PTPRR: variants seen among roughly 807,000 people sequenced by gnomAD.
PTPRR encodes receptor-type tyrosine-protein phosphatase R.
In PTPRR, 38 loss-of-function variants were observed where a neutral mutation model predicts 77.2. The ratio of observed to expected loss-of-function variants is 0.49; its 90% CI spans 0.38 to 0.65. The LOEUF (loss-of-function observed/expected upper bound fraction) is 0.65, where lower values mean the gene tolerates loss of function less well. Among genes scored for constraint, PTPRR ranks in the 30% least tolerant of loss-of-function variants. PTPRR has a pLI of 0.00. For synonymous variants in PTPRR, 299 were observed against 283.1 expected (o/e 1.06, Z -0.57); for missense variants, 744 against 799.2 (o/e 0.93, Z 0.83).
At chr12:70,858,840 C>A (rs563763820) in intron 2 of PTPRR, among the ~76,000 whole-genome samples, 1 of 151,968 alleles carries the variant, frequency 6.6e-6, no homozygotes, top group Non-Finnish European at 1.5e-5. Flanking sequence ...TAGCTGGCAA[C>A]TGCTTATATA....
chr12:70,919,858 C>G (rs369954603), intron 1 of PTPRR, among the ~76,000 whole-genome samples: 2 of 151,942 alleles, frequency 1.3e-5, no homozygotes, highest in African/African-American at 4.8e-5. Flanking sequence ...CCATGTATTT[C>G]GATCTTTTGG....
At chr12:70,672,264 T>C (rs955434293) in intron 10 of PTPRR, 5 of 1,593,426 alleles carry the variant, frequency 3.1e-6, no homozygotes, top group Non-Finnish European at 3.4e-6. Flanking sequence ...ATGAATTATG[T>C]GGACCACTGC....
chr12:70,672,855 G>A (rs1189533444), intron 10 of PTPRR: 1 of 1,559,320 alleles, frequency 6.4e-7, no homozygotes, highest in South Asian at 1.1e-5. Context: ...TCAGCAAGGT[G>A]GTGTGATGGC....
At chr12:70,902,935 T>C (rs929377515) in intron 1 of PTPRR, among the ~76,000 whole-genome samples, 5 of 151,722 alleles carry the variant, frequency 3.3e-5, no homozygotes, top group African/African-American at 4.8e-5. Context: ...TATTCAGTCT[T>C]ATAAAAGGAA....
chr12:70,690,855 C>T (rs1038332292), intron 8 of PTPRR, among the ~76,000 whole-genome samples: 1 of 152,154 alleles, frequency 6.6e-6, no homozygotes, highest in African/African-American at 2.4e-5. Context: ...CATTTGCATA[C>T]ATTAATATTA....
intron 1 of PTPRR, among the ~76,000 whole-genome samples, chr12:70,919,673 GTTTTTTTTTTTT>G (rs58439089): frequency 0.24 from 26,342 of 110,184 alleles, 3,146 homozygotes; most frequent in African/African-American, 0.35. Flanking sequence ...AACTGTAATT[GTTTTTTTTTTTT>G]TTTTTTTTTT....
rs183975452 is a variant in PTPRR, at chr12:70,745,285, C to A, written c.1007+533G>T. 3.7e-3 allele frequency among the ~76,000 whole-genome samples: 564 copies of A among 152,302 alleles called. 4 individuals carry two copies. The highest frequency in any genetic ancestry group is 4.4e-3 in the Non-Finnish European group (302 of 68,032). On this transcript the variant is annotated intron_variant, in intron 6 of 13. Coordinates refer to ENST00000283228, the MANE Select transcript of PTPRR (RefSeq NM_002849.4). ...TCAAGTGATCCACCCACCTCAGCCT[C>A]CCAAAGTACTTGGATTATAGGCGTG... is the stretch of plus-strand genomic sequence containing the variant.
chr12:70,872,694 C>CAAAA (rs377557224), intron 2 of PTPRR, among the ~76,000 whole-genome samples: 1 of 43,436 alleles, frequency 2.3e-5, no homozygotes, highest in Non-Finnish European at 3.7e-5. Context: ...GACTCTGTCT[C>CAAAA]AAAAAAAAAA....
At chr12:70,756,074 A>C (rs1890555909) in intron 4 of PTPRR, among the ~76,000 whole-genome samples, 1 of 152,138 alleles carries the variant, frequency 6.6e-6, no homozygotes, top group South Asian at 2.1e-4. Flanking sequence ...AAATTTGGAT[A>C]AAAAGGGGTG....
chr12:70,804,546 CAG>C (rs1258186356), intron 2 of PTPRR, among the ~76,000 whole-genome samples: 3 of 148,690 alleles, frequency 2.0e-5, no homozygotes, highest in Non-Finnish European at 4.5e-5. Flanking sequence ...GCCTGGGTGA[CAG>C]AAAAAAAAAA....
chr12:70,755,940 GA>G (rs1231999363), intron 4 of PTPRR, among the ~76,000 whole-genome samples: 1 of 152,008 alleles, frequency 6.6e-6, no homozygotes, highest in Middle Eastern at 3.2e-3. Context: ...ATATGGAAAT[GA>G]ATTTTTTACA....
At chr12:70,907,383 C>T (rs533845653) in intron 1 of PTPRR, among the ~76,000 whole-genome samples, 2 of 152,274 alleles carry the variant, frequency 1.3e-5, no homozygotes, top group African/African-American at 4.8e-5. Context: ...GCTCCTCCTT[C>T]CACTGTCAGC....
intron 10 of PTPRR, among the ~76,000 whole-genome samples, chr12:70,680,292 T>G (rs575803075): frequency 6.6e-6 from 1 of 152,328 alleles, no homozygotes; most frequent in East Asian, 1.9e-4. Context: ...TGGTGTCATG[T>G]TTCTTTGCTT....
At chr12:70,919,179 T>C (rs1033085369) in intron 1 of PTPRR, among the ~76,000 whole-genome samples, 1 of 152,224 alleles carries the variant, frequency 6.6e-6, no homozygotes, top group Non-Finnish European at 1.5e-5. Context: ...TTAAAAAAGA[T>C]ACTGCAAGGA....
Position 70,735,622 on chromosome 12 carries a change from A to G in PTPRR, c.1007+10196T>C, listed in dbSNP as rs143386078. ...AGAAGATTAAAATTTTGTCATCTGT[A>G]TCACCTAGAAAAAGGTAAGACATGG... On this transcript the variant is annotated intron_variant, in intron 6 of 13. Coordinates refer to ENST00000283228, the MANE Select transcript of PTPRR (RefSeq NM_002849.4). Among the ~76,000 whole-genome samples, 53 of 152,362 alleles carry G rather than the reference A, an allele frequency of 3.5e-4. No individual in the cohort carries two copies. In the East Asian group the frequency reaches 9.3e-3, roughly 27 times the overall value.
intron 2 of PTPRR, among the ~76,000 whole-genome samples, chr12:70,891,387 T>A (rs148239515): frequency 6.6e-6 from 1 of 152,152 alleles, no homozygotes; most frequent in East Asian, 1.9e-4. Context: ...CAGGAGCATC[T>A]CCAGATACAG....
chr12:70,726,119 TTA>T (rs1391937502), intron 6 of PTPRR, among the ~76,000 whole-genome samples: 1 of 152,126 alleles, frequency 6.6e-6, no homozygotes, highest in Non-Finnish European at 1.5e-5. Context: ...GCAGTCTGCT[TTA>T]TGTTTTTGCA....
chr12:70,849,020 T>C (rs576718895), intron 2 of PTPRR, among the ~76,000 whole-genome samples: 6 of 152,226 alleles, frequency 3.9e-5, no homozygotes, highest in African/African-American at 1.4e-4. Context: ...TCACCATTTA[T>C]AATTTTTTGT....
chr12:70,779,228 C>G (rs1201169546), intron 2 of PTPRR, among the ~76,000 whole-genome samples: 1 of 150,914 alleles, frequency 6.6e-6, no homozygotes, highest in East Asian at 1.9e-4. Flanking sequence ...CCTGCAACAA[C>G]TTTCTATCCT....
Sources: allele counts gnomAD v4.1 joint callset (sites outside exome capture counted in the v4.1 genomes callset), GRCh38; gene constraint gnomAD v4.1.1; transcripts MANE v1.5; gene names NCBI Gene and HGNC (gene_info 2026-07-23, HGNC 2026-07-21).